The following KCNA10 variants were observed in gnomAD, a reference collection of about 807,000 sequenced individuals.
KCNA10 encodes the protein cyclic GMP gated potassium channel.
A neutral mutation model predicts 21.4 loss-of-function variants in KCNA10; 16 were observed. The ratio of observed to expected loss-of-function variants is 0.75; its 90% CI spans 0.51 to 1.14. The LOEUF (loss-of-function observed/expected upper bound fraction) is 1.14, where lower values mean the gene tolerates loss of function less well. KCNA10 is among the 50% of genes most tolerant of loss of function. KCNA10 has a pLI of 0.00. For missense variants in KCNA10, 677 were observed against 649.1 expected (o/e 1.04, Z -0.47); for synonymous variants, 276 against 245.9 (o/e 1.12, Z -1.15).
chr1:110,518,050 C>T lies in KCNA10; in HGVS notation c.738G>A (p.Glu246=). The T allele has an allele frequency of 6.2e-7, 1 of 1,613,896 alleles. No homozygotes were observed. The highest frequency in any genetic ancestry group is 8.5e-7 in the Non-Finnish European group (1 of 1,179,980). ...ETLPEFREDR[E]LKVVRDPNLN... is the part of the protein sequence containing the mutation. ...GATTGGGGTCTCTGACCACCTTTAG[C>T]TCCCTATCCTCCCGGAACTCTGGCA... Residue 246 remains glutamate (E), a synonymous_variant, in exon 1 of 1, where the codon GAG becomes GAA. Coordinates refer to ENST00000369771, the MANE Select transcript of KCNA10 (RefSeq NM_005549.2).
In KCNA10 at chr1:110,517,586, G is replaced by A; in HGVS notation, c.1202C>T (p.Pro401Leu). 1 of 1,614,118 alleles carries A rather than the reference G, an allele frequency of 6.2e-7. No homozygotes were observed. The highest frequency in any genetic ancestry group is 8.5e-7 in the Non-Finnish European group (1 of 1,180,024). Residue 401 changes from proline (P) to leucine (L), a missense_variant, in exon 1 of 1, where the codon CCA becomes CTA. Coordinates refer to ENST00000369771, the MANE Select transcript of KCNA10 (RefSeq NM_005549.2). ...AGGAATGCTAGAGAAATGGGACTCT[G>A]GCTCATCCACCTCAGCAAAGTAGAC... ...SAVYFAEVDE[P>L]ESHFSSIPDG...
rs371703420 is a variant in KCNA10 at position 110,518,079 on chromosome 1, T to C, written c.709A>G (p.Thr237Ala). ...CTATCCTCCCGGAACTCTGGCAGTG[T>C]CTCCAGGCAGAAGATGGTGATGGAG... Reference protein sequence around the residue: ...VISITIFCLETLPEFREDREL... With the variant: ...VISITIFCLEALPEFREDREL... Residue 237 changes from threonine (T) to alanine (A), a missense_variant, in exon 1 of 1, where the codon ACA (threonine) becomes GCA (alanine). Physicochemically the swap from Thr to Ala is moderately conservative, Grantham distance 58. Transcript: ENST00000369771. 2.5e-6 allele frequency: 4 copies of C among 1,613,310 alleles called. No homozygotes were observed. Among genetic ancestry groups the C allele is most frequent in the Non-Finnish European group, 2.5e-6 (3 of 1,179,802 alleles).
rs376350378 is a variant in KCNA10, at chr1:110,518,643, C to G, written c.145G>C (p.Gly49Arg). 58 of 1,614,046 alleles carry G rather than the reference C, an allele frequency of 3.6e-5. No homozygotes were observed. Among genetic ancestry groups the G allele is most frequent in the Non-Finnish European group, 4.7e-5 (55 of 1,180,040 alleles). Residue 49 changes from glycine to arginine, a missense_variant, in exon 1 of 1, where the codon GGG becomes CGG. By Grantham distance (125) the Gly-to-Arg change is moderately radical. Coordinates refer to ENST00000369771, the MANE Select transcript of KCNA10 (RefSeq NM_005549.2). ...GRPGGSSFSN[G>R]KILISESTNH... ...GTGCTTTCGCTGATGAGGATCTTCC[C>G]GTTGGAGAAGGAGCTGCCCCCAGGC... is the stretch of plus-strand genomic sequence containing the variant.
Position 110,517,709 on chromosome 1 carries a change from C to A in KCNA10, c.1079G>T (p.Gly360Val). 2.5e-6 allele frequency: 4 copies of A among 1,614,126 alleles called. No homozygotes were observed. Among genetic ancestry groups the A allele is most frequent in the Non-Finnish European group, 3.4e-6 (4 of 1,180,036 alleles). The change falls in exon 1 of 1, where the codon GGG (glycine) becomes GTG (valine). Residue 360 changes from glycine to valine, a missense_variant. Physicochemically the swap from Gly to Val is moderately radical, Grantham distance 109. Coordinates refer to ENST00000369771, the MANE Select transcript of KCNA10 (RefSeq NM_005549.2). ...RIFKLSRHSK[G>V]LQILGQTLKA... ...CAGTGTTTGCCCGAGGATCTGCAGCCCCTTGGAGTGGCGCGAGAGCTTGAA... is the reference window on the plus strand; with the variant it reads ...CAGTGTTTGCCCGAGGATCTGCAGCACCTTGGAGTGGCGCGAGAGCTTGAA...
chr1:110,518,557 C>G lies in KCNA10; in HGVS notation c.231G>C (p.Glu77Asp). The G allele has an allele frequency of 1.5e-5, 24 of 1,614,196 alleles. No homozygotes were observed. Among genetic ancestry groups the G allele is most frequent in the Non-Finnish European group, 1.9e-5 (22 of 1,180,044 alleles). Residue 77 changes from glutamate (E) to aspartate (D), a missense_variant, in exon 1 of 1, where the codon GAG becomes GAC. By Grantham distance (45) the Glu-to-Asp change is conservative (BLOSUM62 2). Transcript: ENST00000369771. ...GGTTTCCTTCATTTAGGACCACTGG[C>G]TCAGGCCCTGGGGGGTCAGCATAGT... Reference protein sequence around the residue: ...PGDYADPPGPEPVVLNEGNQR... With the variant: ...PGDYADPPGPDPVVLNEGNQR...
In KCNA10 at chr1:110,518,570, G is replaced by C. The variant is rs758592054; in HGVS notation, c.218C>G (p.Pro73Arg). ...FSKLPGDYADPPGPEPVVLNE... is the reference protein window; with the variant it reads ...FSKLPGDYADRPGPEPVVLNE... ...TAGGACCACTGGCTCAGGCCCTGGG[G>C]GGTCAGCATAGTCTCCCGGAAGCTT... The change falls in exon 1 of 1, where the codon CCC (proline) becomes CGC (arginine). Residue 73 changes from proline (P) to arginine (R), a missense_variant. Coordinates refer to ENST00000369771, the MANE Select transcript of KCNA10 (RefSeq NM_005549.2). 6.2e-7 allele frequency: 1 copy of C among 1,614,170 alleles called. No individual in the cohort carries two copies. The highest frequency in any genetic ancestry group is 8.5e-7 in the Non-Finnish European group (1 of 1,180,034).
chr1:110,518,719 T>C lies in KCNA10; in HGVS notation c.69A>G (p.Gln23=), dbSNP rs1647298750. 14 of 1,612,630 alleles carry C rather than the reference T, an allele frequency of 8.7e-6. No individual in the cohort carries two copies. The highest frequency in any genetic ancestry group is 1.1e-5 in the Non-Finnish European group (13 of 1,179,148). ...LVNFDNSDEI[Q]EEPGYATDFD... is the part of the protein sequence containing the mutation. ...AGTCTGTGGCATAGCCTGGCTCTTC[T>C]TGGATTTCATCTGAATTATCAAAAT... The change falls in exon 1 of 1, where the codon CAA becomes CAG. Residue 23 remains glutamine, a synonymous_variant. Transcript: ENST00000369771.
Position 110,518,250 on chromosome 1 carries a change from G to A in KCNA10, c.538C>T (p.Arg180Trp), listed in dbSNP as rs199873651. 51 of 1,614,142 alleles carry A rather than the reference G, an allele frequency of 3.2e-5. No homozygotes were observed. The East Asian group carries it at 7.8e-4, about 25-fold the overall frequency. The change falls in exon 1 of 1, where the codon CGG (arginine) becomes TGG (tryptophan). Residue 180 changes from arginine (R) to tryptophan (W), a missense_variant. Transcript: ENST00000369771. ...TCTTTGATGAAGCCTTCATCCTCCC[G>A]GAACTGGTCCATGGCCTCACTACCC... ...ELGSEAMDQF[R>W]EDEGFIKDPE...
chr1:110,518,387 T>C lies in KCNA10; in HGVS notation c.401A>G (p.Asn134Ser). Reference protein sequence around the residue: ...SMRNEYFFDRNRPSFDGILYY... With the variant: ...SMRNEYFFDRSRPSFDGILYY... Reference sequence around the variant, plus strand: ...TAGGATTCCATCAAAACTGGGCCGGTTCCGATCAAAGAAATACTCATTTCT... The same window carrying C: ...TAGGATTCCATCAAAACTGGGCCGGCTCCGATCAAAGAAATACTCATTTCT... The change falls in exon 1 of 1, where the codon AAC becomes AGC. Residue 134 changes from asparagine to serine, a missense_variant. By Grantham distance (46) the Asn-to-Ser change is conservative (BLOSUM62 1). Transcript: ENST00000369771. 6.2e-7 allele frequency: 1 copy of C among 1,614,194 alleles called. No individual in the cohort carries two copies.
In KCNA10 at chr1:110,518,451, C is replaced by T. The variant is rs1407191377; in HGVS notation, c.337G>A (p.Gly113Arg). Residue 113 changes from glycine (G) to arginine (R), a missense_variant, in exon 1 of 1, where the codon GGA becomes AGA. Coordinates refer to ENST00000369771, the MANE Select transcript of KCNA10 (RefSeq NM_005549.2). ...AACTGCATCCTTTTTTCCCGGTCTC[C>T]CAGGAGAGTCTCTGGGAACTGACTA... Reference protein sequence around the residue: ...TLSQFPETLLGDREKRMQFFD... With the variant: ...TLSQFPETLLRDREKRMQFFD... 3 of 1,614,136 alleles carry T rather than the reference C, an allele frequency of 1.9e-6. No homozygotes were observed. The highest frequency in any genetic ancestry group is 4.5e-5 in the East Asian group (2 of 44,890).
At position 110,518,287 on chromosome 1, in the gene KCNA10, G is replaced by A. The variant is rs757659529; in HGVS notation, c.501C>T (p.Ser167=). ...TGGCCTCACTACCCAGCTCATAGAA[G>A]GAGATTTCATCAGCAAAGATATCAA... ...VPIDIFADEI[S]FYELGSEAMD... Residue 167 remains serine (S), a synonymous_variant, in exon 1 of 1, where the codon TCC becomes TCT. Coordinates refer to ENST00000369771, the MANE Select transcript of KCNA10 (RefSeq NM_005549.2). The A allele has an allele frequency of 6.2e-7, 1 of 1,614,212 alleles. No homozygotes were observed. Among genetic ancestry groups the A allele is most frequent in the Non-Finnish European group, 8.5e-7 (1 of 1,180,052 alleles).
chr1:110,518,696 T>C lies in KCNA10; in HGVS notation c.92A>G (p.Asp31Gly). ...EIQEEPGYAT[D>G]FDSTSPKGRP... ...GCCTTTTGGGCTGGTTGAGTCGAAG[T>C]CTGTGGCATAGCCTGGCTCTTCTTG... The change falls in exon 1 of 1, where the codon GAC (aspartate) becomes GGC (glycine). Residue 31 changes from aspartate (D) to glycine (G), a missense_variant. Asp to Gly is a moderately conservative substitution (Grantham distance 94). Transcript: ENST00000369771. 1 of 1,614,108 alleles carries C rather than the reference T, an allele frequency of 6.2e-7. No individual in the cohort carries two copies. Among genetic ancestry groups the C allele is most frequent in the Non-Finnish European group, 8.5e-7 (1 of 1,179,988 alleles).
rs370211262 is a variant in KCNA10, at chr1:110,518,837, G to A, written c.-50C>T. 6 of 1,406,032 alleles carry A rather than the reference G, an allele frequency of 4.3e-6. No homozygotes were observed. Among genetic ancestry groups the A allele is most frequent in the African/African-American group, 2.9e-5 (2 of 69,456 alleles). The allele number at this position is 1,406,032 out of a possible 1,614,324, so 87.1% of individuals were successfully genotyped here. On this transcript the variant is annotated 5_prime_UTR_variant, in exon 1 of 1. Coordinates refer to ENST00000369771, the MANE Select transcript of KCNA10 (RefSeq NM_005549.2). ...TGAAGATCCTCAGCCTTCACTGCCT[G>A]CTGTGAGCTATGGAGAAGAAGAAGT...
chr1:110,517,797 C>T lies in KCNA10; in HGVS notation c.991G>A (p.Ala331Thr), dbSNP rs778875602. 8 of 1,614,122 alleles carry T rather than the reference C, an allele frequency of 5.0e-6. No homozygotes were observed. The highest frequency in any genetic ancestry group is 6.8e-6 in the Non-Finnish European group (8 of 1,180,042). Residue 331 changes from alanine (A) to threonine (T), a missense_variant, in exon 1 of 1, where the codon GCC becomes ACC. Transcript: ENST00000369771. ...TELVQETEPSAQQNMSLAILR... is the reference protein window; with the variant it reads ...TELVQETEPSTQQNMSLAILR... ...ATGGCCAGGGACATGTTCTGTTGGG[C>T]ACTCGGCTCTGTCTCCTGGACTAGC...
Position 110,518,391 on chromosome 1 carries a change from G to A in KCNA10, c.397C>T (p.Arg133Trp), listed in dbSNP as rs773174747. The A allele has an allele frequency of 5.6e-6, 9 of 1,614,058 alleles. No individual in the cohort carries two copies. The highest frequency in any genetic ancestry group is 1.7e-5 in the Admixed American group (1 of 60,002). Residue 133 changes from arginine to tryptophan, a missense_variant, in exon 1 of 1, where the codon CGG becomes TGG. By Grantham distance (101) the Arg-to-Trp change is moderately radical. Transcript: ENST00000369771. Reference protein sequence around the residue: ...DSMRNEYFFDRNRPSFDGILY... With the variant: ...DSMRNEYFFDWNRPSFDGILY... ...ATTCCATCAAAACTGGGCCGGTTCC[G>A]ATCAAAGAAATACTCATTTCTCATG...
chr1:110,517,320 T>G lies in KCNA10; in HGVS notation c.1468A>C (p.Arg490=). ...IERILNSVGS[R]MGSTDSLNKT... The stretch of plus-strand genomic sequence containing the variant: ...TTAAGAGAGTCTGTGCTGCCCATTC[T>G]TGAGCCTACACTGTTGAGGATTCTT... Residue 490 remains arginine, a synonymous_variant, in exon 1 of 1, where the codon AGA becomes CGA. Transcript: ENST00000369771. 6.2e-7 allele frequency: 1 copy of G among 1,614,240 alleles called. No individual in the cohort carries two copies. The highest frequency in any genetic ancestry group is 2.2e-5 in the East Asian group (1 of 44,888).
In KCNA10 at chr1:110,519,010, C is replaced by T. The variant is rs1647308380; in HGVS notation, c.-223G>A. On this transcript the variant is annotated 5_prime_UTR_variant, in exon 1 of 1. Coordinates refer to ENST00000369771, the MANE Select transcript of KCNA10 (RefSeq NM_005549.2). The stretch of plus-strand genomic sequence containing the variant: ...ATGCTTCCCTTAAAATCATTTTGTA[C>T]CCCTGAGTTTGCATAAACTAATAAC... The T allele has an allele frequency of 2.3e-6, 1 of 436,236 alleles. No homozygotes were observed. Among genetic ancestry groups the T allele is most frequent in the Non-Finnish European group, 4.2e-6 (1 of 238,370 alleles). The allele number at this position is 436,236 out of a possible 1,614,324, so 27.0% of individuals were successfully genotyped here.
Position 110,518,850 on chromosome 1 carries a change from GAGA to G in KCNA10, c.-66_-64del, listed in dbSNP as rs936654954. On this transcript the variant is annotated 5_prime_UTR_variant, in exon 1 of 1. Coordinates refer to ENST00000369771, the MANE Select transcript of KCNA10 (RefSeq NM_005549.2). ...CCTTCACTGCCTGCTGTGAGCTATG[GAGA>G]AGAAGAAGTTCATTATACAAGATCC... The G allele has an allele frequency of 2.4e-5, 32 of 1,346,908 alleles. No homozygotes were observed. In the Admixed American group the frequency reaches 3.7e-4, roughly 15 times the overall value. The allele number at this position is 1,346,908 out of a possible 1,614,324, so 83.4% of individuals were successfully genotyped here. A position where few individuals can be genotyped will look rare whatever the true frequency, so the allele number is the denominator to read the frequency against.
At position 110,517,898 on chromosome 1, in the gene KCNA10, G is replaced by A. The variant is rs780261576; in HGVS notation, c.890C>T (p.Thr297Ile). The A allele has an allele frequency of 6.2e-7, 1 of 1,613,914 alleles. No homozygotes were observed. Among genetic ancestry groups the A allele is most frequent in the African/African-American group, 1.3e-5 (1 of 74,912 alleles). ...VLRFVVCPSK[T>I]DFFRNIMNII... ...GTTCATGATGTTCCTGAAGAAGTCA[G>A]TCTTGCTGGGGCAGACCACGAACCG... The change falls in exon 1 of 1, where the codon ACT becomes ATT. Residue 297 changes from threonine (T) to isoleucine (I), a missense_variant. Transcript: ENST00000369771.
Sources: allele counts gnomAD v4.1 joint callset, GRCh38; gene constraint gnomAD v4.1.1; transcripts MANE v1.5; gene names NCBI Gene and HGNC (gene_info 2026-07-23, HGNC 2026-07-21).